The following ANKFN1 variants were observed in gnomAD, a reference collection of about 807,000 sequenced individuals.
ANKFN1 encodes ankyrin repeat and fibronectin type-III domain-containing protein 1.
A neutral mutation model predicts 108.7 loss-of-function variants in ANKFN1; 74 were observed. That is an observed-to-expected ratio of 0.68 (90% CI 0.56 to 0.83). ANKFN1 has a LOEUF of 0.83. Among genes scored for constraint, ANKFN1 ranks in the 40% least tolerant of loss-of-function variants. The probability of loss-of-function intolerance (pLI) is 0.00; values close to 1 mark genes in which losing one functional copy is unlikely to be tolerated. For missense variants in ANKFN1, 1,505 were observed against 1,382.3 expected (o/e 1.09, Z -1.41); for synonymous variants, 547 against 516.2 (o/e 1.06, Z -0.81).
intron 8 of ANKFN1, among the ~76,000 whole-genome samples, chr17:56,378,782 G>A (rs1374049787): frequency 2.6e-5 from 4 of 152,094 alleles, no homozygotes; most frequent in Non-Finnish European, 5.9e-5. Context: ...ATGAAAGTGG[G>A]GTTAGTGATT....
intron 4 of ANKFN1, among the ~76,000 whole-genome samples, chr17:56,144,137 C>T (rs1055250474): frequency 8.5e-6 from 1 of 117,010 alleles, no homozygotes; most frequent in African/African-American, 3.4e-5. Context: ...AAGTGCCTGA[C>T]ACAAACAGAG....
chr17:56,164,565 G>C (rs1343148634), intron 1 of ANKFN1, among the ~76,000 whole-genome samples: 1 of 152,262 alleles, frequency 6.6e-6, no homozygotes, highest in Non-Finnish European at 1.5e-5. Context: ...AATTAATTAA[G>C]TGAAAAAAAG....
intron 3 of ANKFN1, among the ~76,000 whole-genome samples, chr17:56,273,829 T>C (rs1850009614): frequency 6.6e-6 from 1 of 152,224 alleles, no homozygotes; most frequent in South Asian, 2.1e-4. Context: ...TAGGACATTT[T>C]CAGTTGCAAT....
At chr17:56,185,413 T>TA (rs1249791615) in intron 1 of ANKFN1, among the ~76,000 whole-genome samples, 5 of 152,196 alleles carry the variant, frequency 3.3e-5, no homozygotes. Context: ...AGGGTCTCCA[T>TA]AACCTTTATA....
intron 4 of ANKFN1, among the ~76,000 whole-genome samples, chr17:56,327,571 A>G (rs1300497099): frequency 6.6e-6 from 1 of 152,178 alleles, no homozygotes; most frequent in East Asian, 1.9e-4. Context: ...CACAAGAGCC[A>G]AGGTCATTCT....
chr17:56,055,616 C>A (rs1904863717), intron 4 of ANKFN1, among the ~76,000 whole-genome samples: 1 of 83,088 alleles, frequency 1.2e-5, no homozygotes, highest in Non-Finnish European at 2.4e-5. Context: ...TTTATCCAGT[C>A]AATCACTGAT....
At chr17:56,416,051 A>G (rs1468075900) in intron 8 of ANKFN1, among the ~76,000 whole-genome samples, 1 of 152,242 alleles carries the variant, frequency 6.6e-6, no homozygotes, top group Non-Finnish European at 1.5e-5. Flanking sequence ...CTCACCATAT[A>G]CAAATCAAAT....
intron 14 of ANKFN1, among the ~76,000 whole-genome samples, chr17:56,466,141 G>A (rs147769427): frequency 2.0e-5 from 3 of 151,986 alleles, no homozygotes; most frequent in African/African-American, 7.2e-5. Flanking sequence ...ATCTTTGCAG[G>A]CTCTGCAATC....
intron 3 of ANKFN1, among the ~76,000 whole-genome samples, chr17:56,258,763 T>C (rs368510833): frequency 1.3e-5 from 2 of 151,970 alleles, no homozygotes; most frequent in East Asian, 1.9e-4. Flanking sequence ...CCAAAAAAAT[T>C]AGCCGGGCAT....
intron 4 of ANKFN1, among the ~76,000 whole-genome samples, chr17:56,086,038 AAT>A (rs1394524873): frequency 6.6e-6 from 1 of 151,082 alleles, no homozygotes; most frequent in African/African-American, 2.4e-5. Context: ...AAATAATTAG[AAT>A]AAATAATTCT....
chr17:56,439,944 C>T (rs2049044001), intron 8 of ANKFN1, among the ~76,000 whole-genome samples: 1 of 151,984 alleles, frequency 6.6e-6, no homozygotes, highest in South Asian at 2.1e-4. Flanking sequence ...TACACATACA[C>T]ATACACACAC....
At chr17:56,404,754 G>T (rs1228952745) in intron 8 of ANKFN1, among the ~76,000 whole-genome samples, 1 of 152,100 alleles carries the variant, frequency 6.6e-6, no homozygotes, top group Non-Finnish European at 1.5e-5. Flanking sequence ...ATATTACTAG[G>T]GTTGGTTTTC....
chr17:56,142,133 G>A (rs1455600235), intron 4 of ANKFN1, among the ~76,000 whole-genome samples: 4 of 151,954 alleles, frequency 2.6e-5, no homozygotes, highest in African/African-American at 9.7e-5. Flanking sequence ...GTTTCATCAT[G>A]TTGGACAGGA....
chr17:56,068,803 A>G (rs899568302), intron 4 of ANKFN1, among the ~76,000 whole-genome samples: 4 of 152,206 alleles, frequency 2.6e-5, no homozygotes, highest in Admixed American at 6.5e-5. Context: ...ATTCATACAC[A>G]TATTTCTAAC....
At position 56,482,427 on chromosome 17, in the gene ANKFN1, C is replaced by T; in HGVS notation, c.2163C>T (p.Leu721=). Residue 721 remains leucine (L), a synonymous_variant, in exon 18 of 21, where the codon CTC becomes CTT. Coordinates refer to ENST00000682825, the MANE Select transcript of ANKFN1 (RefSeq NM_001370326.1). ...ACAATGTGTCCTTTCTTCTCCTGCT[C>T]CCTGCCTCAGACGACGTCTGTACAG... ...MGHNVSFLLL[L]PASDDVCTAP... 1 of 1,613,586 alleles carries T rather than the reference C, an allele frequency of 6.2e-7. No individual in the cohort carries two copies. The highest frequency in any genetic ancestry group is 1.3e-5 in the African/African-American group (1 of 75,016).
At chr17:56,338,076 G>A (rs1007027949) in intron 4 of ANKFN1, among the ~76,000 whole-genome samples, 8 of 152,156 alleles carry the variant, frequency 5.3e-5, no homozygotes, top group Admixed American at 2.6e-4. Context: ...ATGATAGACT[G>A]GATTAAGAAA....
In ANKFN1 at chr17:56,079,239, T is replaced by C. The variant is rs77375001; in HGVS notation, c.288+32914T>C. Among the ~76,000 whole-genome samples the C allele has an allele frequency of 5.1e-3, 771 of 152,308 alleles. 2 individuals are homozygous for C. Among genetic ancestry groups the C allele is most frequent in the Non-Finnish European group, 8.1e-3 (548 of 68,026 alleles). On this transcript the variant is annotated intron_variant, in intron 4 of 12. Coordinates refer to the ANKFN1 transcript ENST00000635860. ...AGAAACAGATGCTGCTTGAGAATGA[T>C]TCACTTCTTAGATGCCTCCATAGCA...
At chr17:56,276,604 G>C (rs2043941284) in intron 3 of ANKFN1, among the ~76,000 whole-genome samples, 1 of 152,170 alleles carries the variant, frequency 6.6e-6, no homozygotes, top group East Asian at 1.9e-4. Context: ...GATGACCAGT[G>C]ATGGTGAGCA....
chr17:56,147,391 T>C (rs567077192), intron 4 of ANKFN1, among the ~76,000 whole-genome samples: 2 of 152,022 alleles, frequency 1.3e-5, no homozygotes, highest in East Asian at 3.9e-4. Flanking sequence ...TGCCTGAGAC[T>C]GGGTAATTTA....
Sources: allele counts gnomAD v4.1 joint callset (sites outside exome capture counted in the v4.1 genomes callset), GRCh38; gene constraint gnomAD v4.1.1; transcripts MANE v1.5; gene names NCBI Gene and HGNC (gene_info 2026-07-23, HGNC 2026-07-21).